MSTO1: variants seen among roughly 807,000 people sequenced by gnomAD.
The protein encoded by MSTO1 is misato mitochondrial distribution and morphology regulator 1.
Under a neutral mutation model 55.7 loss-of-function variants are expected in MSTO1, and 24 were observed. The observed-to-expected ratio is 0.43, with a 90% CI of 0.31 to 0.61. The LOEUF (loss-of-function observed/expected upper bound fraction) is 0.61, where lower values mean the gene tolerates loss of function less well. Among genes scored for constraint, MSTO1 ranks in the 20% least tolerant of loss-of-function variants. The pLI is 0.09. For synonymous variants in MSTO1, 162 were observed against 252.8 expected (o/e 0.64, Z 3.41); for missense variants, 363 against 625.7 (o/e 0.58, Z 4.48).
At chr1:155,594,309 G>A in the MSTO1 span, among the ~76,000 whole-genome samples, 12 of 152,000 alleles carry the variant, frequency 7.9e-5, no homozygotes, top group Admixed American at 5.9e-4. Flanking sequence ...GTTGAGGCAC[G>A]AAAATCACTA....
the MSTO1 span, chr1:155,598,737 C>CA: frequency 2.1e-4 from 122 of 588,926 alleles, no homozygotes; most frequent in Middle Eastern, 4.6e-4. Context: ...GCAAGAACAA[C>CA]AAAAAAAACA....
At chr1:155,570,849 G>A in the MSTO1 span, among the ~76,000 whole-genome samples, 2 of 152,066 alleles carry the variant, frequency 1.3e-5, no homozygotes, top group South Asian at 4.1e-4. Context: ...TCCTGCAGTG[G>A]GATCTCCCGA....
At chr1:155,608,496 C>CTTTT (rs769788957), upstream of MSTO1, among the ~76,000 whole-genome samples, 15 of 132,772 alleles carry the variant, frequency 1.1e-4, no homozygotes, top group South Asian at 2.4e-4. Context: ...TGCCTTATCT[C>CTTTT]TTTTTTTTTT....
At chr1:155,573,949 T>C in the MSTO1 span, among the ~76,000 whole-genome samples, 2 of 152,190 alleles carry the variant, frequency 1.3e-5, no homozygotes, top group Non-Finnish European at 2.9e-5. Flanking sequence ...GGATATATTT[T>C]TCAAATTTAT....
the MSTO1 span, among the ~76,000 whole-genome samples, chr1:155,579,245 A>G: frequency 2.0e-5 from 3 of 151,690 alleles, no homozygotes; most frequent in African/African-American, 7.3e-5. Context: ...CCCGGGAGGC[A>G]GAGGTTGTGG....
At chr1:155,606,045 C>CT (rs780749091), upstream of MSTO1, among the ~76,000 whole-genome samples, 1 of 150,950 alleles carries the variant, frequency 6.6e-6, no homozygotes, top group African/African-American at 2.4e-5. Context: ...CTTTTTTTTT[C>CT]TTTTTTTTGA....
the MSTO1 span, among the ~76,000 whole-genome samples, chr1:155,580,130 G>A: frequency 2.4e-4 from 36 of 150,368 alleles, no homozygotes; most frequent in African/African-American, 5.9e-4. Context: ...ATAGTGGCTC[G>A]CACATGTAAT....
At chr1:155,595,362 T>A in the MSTO1 span, among the ~76,000 whole-genome samples, 1 of 151,984 alleles carries the variant, frequency 6.6e-6, no homozygotes. Flanking sequence ...GTATTTTTAG[T>A]GGAGACGGAG....
Position 155,612,943 on chromosome 1 carries a change from C to G in MSTO1, c.1066C>G (p.Leu356Val), listed in dbSNP as rs1198251066. Residue 356 changes from leucine (L) to valine (V), a missense_variant, in exon 10 of 14, where the codon CTG becomes GTG. By Grantham distance (32) the Leu-to-Val change is conservative (BLOSUM62 1). Around this residue, in one of 3 missense-constraint regions of MSTO1, gnomAD observed 231 missense variants for 286.9 expected, o/e 0.81. Transcript: ENST00000245564. ...TTCCTCTCCAGTTTCCATGGTTCATCTGGCTGACATGCTGAGCTTCTGTGG... is the reference window on the plus strand; with the variant it reads ...TTCCTCTCCAGTTTCCATGGTTCATGTGGCTGACATGCTGAGCTTCTGTGG... Reference protein sequence around the residue: ...LCSSPVSMVHLADMLSFCGKK... With the variant: ...LCSSPVSMVHVADMLSFCGKK... 1 of 1,613,984 alleles carries G rather than the reference C, an allele frequency of 6.2e-7. No individual in the cohort carries two copies. Among genetic ancestry groups the G allele is most frequent in the South Asian group, 1.1e-5 (1 of 91,074 alleles).
chr1:155,568,114 C>A, the MSTO1 span, among the ~76,000 whole-genome samples: 1 of 149,246 alleles, frequency 6.7e-6, no homozygotes, highest in Non-Finnish European at 1.5e-5. Flanking sequence ...GAGTCTCACT[C>A]TATTGCCCAG....
chr1:155,563,735 A>G, the MSTO1 span: 2 of 361,142 alleles, frequency 5.5e-6, no homozygotes, highest in South Asian at 4.2e-5. Context: ...AAAAGTGTAC[A>G]TAAAAATTAG....
At chr1:155,609,470 G>C (rs546328336), upstream of MSTO1, among the ~76,000 whole-genome samples, 2 of 149,286 alleles carry the variant, frequency 1.3e-5, no homozygotes, top group South Asian at 4.3e-4. Context: ...GGATGGTCTC[G>C]ATCTCTTGAC....
the MSTO1 span, among the ~76,000 whole-genome samples, chr1:155,567,957 GAACCCAGCAGGTA>G: frequency 2.0e-5 from 3 of 151,600 alleles, no homozygotes; most frequent in Admixed American, 2.0e-4. Flanking sequence ...AGCATCACTT[GAACCCAGCAGGTA>G]GAGGTTGCAG....
chr1:155,608,052 AGAGAT>A (rs1336472240), upstream of MSTO1, among the ~76,000 whole-genome samples: 1 of 152,228 alleles, frequency 6.6e-6, no homozygotes, highest in Non-Finnish European at 1.5e-5. Flanking sequence ...AGAGCTCAGA[AGAGAT>A]AAGAGCATCT....
At chr1:155,609,243 A>ATATATATATATTTT, upstream of MSTO1, among the ~76,000 whole-genome samples, 18 of 54,570 alleles carry the variant, frequency 3.3e-4, no homozygotes, top group East Asian at 3.7e-3. Context: ...ATATATATAT[A>ATATATATATATTTT]TTTTTTTTTT....
At chr1:155,565,295 CAAAA>C in the MSTO1 span, among the ~76,000 whole-genome samples, 2 of 53,570 alleles carry the variant, frequency 3.7e-5, no homozygotes, top group African/African-American at 6.9e-5. Context: ...AACTCCTTCT[CAAAA>C]AAAAAAAAAA....
At chr1:155,607,525 G>A (rs1290292695), upstream of MSTO1, among the ~76,000 whole-genome samples, 2 of 152,182 alleles carry the variant, frequency 1.3e-5, no homozygotes, top group East Asian at 1.9e-4. Flanking sequence ...ATAATCTAAC[G>A]ATGTAATTTA....
upstream of MSTO1, among the ~76,000 whole-genome samples, chr1:155,605,241 A>G (rs2148974267): frequency 6.6e-6 from 1 of 152,020 alleles, no homozygotes; most frequent in East Asian, 2.0e-4. Context: ...AGCCTAAGCA[A>G]TAGAGCAAGA....
the MSTO1 span, among the ~76,000 whole-genome samples, chr1:155,593,432 T>G: frequency 1.3e-5 from 2 of 152,208 alleles, no homozygotes; most frequent in Non-Finnish European, 2.9e-5. Context: ...ATAGATATTT[T>G]AAAGTGAGAC....
Sources: allele counts gnomAD v4.1 joint callset (sites outside exome capture counted in the v4.1 genomes callset), GRCh38; gene constraint gnomAD v4.1.1; regional missense constraint gnomAD v4.1.1; transcripts MANE v1.5; gene names NCBI Gene and HGNC (gene_info 2026-07-23, HGNC 2026-07-21).